PHF21B: variants seen among roughly 807,000 people sequenced by gnomAD.
The protein encoded by PHF21B is PHD finger protein 21B.
A neutral mutation model predicts 62.2 loss-of-function variants in PHF21B; 22 were observed. The ratio of observed to expected loss-of-function variants is 0.35; its 90% CI spans 0.25 to 0.51. PHF21B has a LOEUF of 0.51. Among genes scored for constraint, PHF21B ranks in the 20% least tolerant of loss-of-function variants. PHF21B has a pLI of 0.97. For synonymous variants in PHF21B, 341 were observed against 314.7 expected, an observed-to-expected ratio of 1.08 and a Z score of -0.88; for missense variants, 701 against 707.9, an observed-to-expected ratio of 0.99 and a Z score of 0.11.
chr22:45,007,723 T>G (rs1420346783), intron 2 of PHF21B, among the ~76,000 whole-genome samples: 1 of 10,374 alleles, frequency 9.6e-5, no homozygotes. Context: ...AAGGGGCGGG[T>G]GTGCGAGTGC....
At chr22:44,914,702 G>A (rs2147299258) in intron 4 of PHF21B, among the ~76,000 whole-genome samples, 1 of 152,320 alleles carries the variant, frequency 6.6e-6, no homozygotes, top group East Asian at 1.9e-4. Context: ...CCCTCACGTG[G>A]TGGATGGGGA....
intron 2 of PHF21B, among the ~76,000 whole-genome samples, chr22:44,978,521 G>C (rs1428767933): frequency 1.3e-5 from 2 of 152,150 alleles, no homozygotes; most frequent in Admixed American, 1.3e-4. Flanking sequence ...CACCACACCT[G>C]GCTAATTTTT....
chr22:45,007,046 C>T (rs908385512), intron 2 of PHF21B, among the ~76,000 whole-genome samples: 3 of 152,038 alleles, frequency 2.0e-5, no homozygotes, highest in Admixed American at 6.5e-5. Flanking sequence ...GCGCGCCGGG[C>T]CCCCCTCCGG....
intron 2 of PHF21B, among the ~76,000 whole-genome samples, chr22:44,944,433 C>A (rs1431764124): frequency 6.6e-6 from 1 of 152,188 alleles, no homozygotes; most frequent in Non-Finnish European, 1.5e-5. Context: ...ATCTGAAGCA[C>A]CCTCTGGATT....
intron 8 of PHF21B, 134 bp from the exon 9 acceptor site, chr22:44,889,916 T>C: frequency 1.1e-6 from 1 of 924,484 alleles, no homozygotes; most frequent in Non-Finnish European, 1.5e-6. Context: ...AAGGCCCCCA[T>C]GATACCTGGG....
intron 3 of PHF21B, among the ~76,000 whole-genome samples, chr22:44,919,964 A>G (rs6007386): frequency 0.27 from 41,658 of 152,164 alleles, 6,496 homozygotes; most frequent in African/African-American, 0.42. Context: ...CACCTGGCCC[A>G]GAGTCTGTGC....
chr22:44,917,427 GC>G (rs2147305923), intron 3 of PHF21B, among the ~76,000 whole-genome samples: 1 of 152,298 alleles, frequency 6.6e-6, no homozygotes, highest in South Asian at 2.1e-4. Flanking sequence ...TCCCATCAGA[GC>G]CACCACCACT....
At chr22:44,985,712 A>G (rs2072933211) in intron 2 of PHF21B, among the ~76,000 whole-genome samples, 1 of 152,192 alleles carries the variant, frequency 6.6e-6, no homozygotes, top group Non-Finnish European at 1.5e-5. Flanking sequence ...GTGATGGCAA[A>G]GCAACATGGA....
At chr22:44,904,989 G>C (rs557697403) in intron 5 of PHF21B, among the ~76,000 whole-genome samples, 100 of 152,246 alleles carry the variant, frequency 6.6e-4, no homozygotes, top group Middle Eastern at 3.4e-3. Context: ...AGTTTTTTAT[G>C]ATTTTTCTCT....
At chr22:44,912,878 C>CAAACAAAA (rs2071367491) in intron 5 of PHF21B, among the ~76,000 whole-genome samples, 1 of 45,608 alleles carries the variant, frequency 2.2e-5, no homozygotes, top group Admixed American at 3.1e-4. Flanking sequence ...GACTCTATCT[C>CAAACAAAA]AAAAAAAAAA....
At chr22:44,889,479 C>T (rs1171548109) in intron 9 of PHF21B, among the ~76,000 whole-genome samples, 1 of 152,206 alleles carries the variant, frequency 6.6e-6, no homozygotes, top group South Asian at 2.1e-4. Context: ...CCAGTTGGGC[C>T]TCAGTGGCCC....
In PHF21B at chr22:45,009,136, G is replaced by T. The variant is rs773180266; in HGVS notation, c.54+360C>A. ...GGGCAGGTTCGCCCGGGGCGCGGGGGCCCGAGGGGAGGCCGGAAGGGGGCC... is the reference window on the plus strand; with the variant it reads ...GGGCAGGTTCGCCCGGGGCGCGGGGTCCCGAGGGGAGGCCGGAAGGGGGCC... On this transcript the variant is annotated intron_variant, in intron 1 of 12. Transcript: ENST00000313237. The surrounding 1 kb of genome is among the most constrained non-coding windows in gnomAD (Gnocchi z 5.9). 15 of 713,212 alleles carry T rather than the reference G, an allele frequency of 2.1e-5. No homozygotes were observed. The highest frequency in any genetic ancestry group is 1.5e-4 in the African/African-American group (8 of 53,718). The allele number at this position is 713,212 out of a possible 1,614,324, so 44.2% of individuals were successfully genotyped here.
intron 5 of PHF21B, chr22:44,902,232 C>A: frequency 5.0e-6 from 1 of 200,552 alleles, no homozygotes; most frequent in Non-Finnish European, 1.1e-5. Flanking sequence ...CTGCAGAACC[C>A]CAGACACCAG....
chr22:44,933,625 G>C, intron 2 of PHF21B: 1 of 770,472 alleles, frequency 1.3e-6, no homozygotes. Flanking sequence ...TAAGTGGGGT[G>C]GGGGAGCCGT....
intron 2 of PHF21B, among the ~76,000 whole-genome samples, chr22:44,974,544 C>T (rs2072701686): frequency 6.6e-6 from 1 of 152,184 alleles, no homozygotes; most frequent in Admixed American, 6.5e-5. Flanking sequence ...GCACAAAGTC[C>T]TACATCCGTG....
chr22:45,009,666 G>A lies in PHF21B; in HGVS notation c.-117C>T. The A allele has an allele frequency of 8.2e-6, 8 of 979,564 alleles. No individual in the cohort carries two copies. Among genetic ancestry groups the A allele is most frequent in the Non-Finnish European group, 1.1e-5 (8 of 709,780 alleles). 60.7% of individuals were successfully genotyped at this position (979,564 alleles called of 1,614,324 possible). A position where few individuals can be genotyped will look rare whatever the true frequency, so the allele number is the denominator to read the frequency against. ...ACGCGGCCTCCGGGCTGGGTTGGGGGGGACACGAGCCCCCTCCCCCACGGC... is the reference window on the plus strand; with the variant it reads ...ACGCGGCCTCCGGGCTGGGTTGGGGAGGACACGAGCCCCCTCCCCCACGGC... On this transcript the variant is annotated 5_prime_UTR_variant, in exon 1 of 13. Coordinates refer to ENST00000313237, the MANE Select transcript of PHF21B (RefSeq NM_138415.5). This position sits in a 1 kb window ranked among gnomAD's most constrained non-coding sequence, Gnocchi z 5.9.
At chr22:44,979,494 G>A (rs899227506) in intron 2 of PHF21B, among the ~76,000 whole-genome samples, 2 of 152,246 alleles carry the variant, frequency 1.3e-5, no homozygotes, top group Admixed American at 6.5e-5. Context: ...AGCCCCTGGA[G>A]GGCAGCCAGT....
intron 8 of PHF21B, 111 bp downstream of exon 8, chr22:44,891,195 G>T: frequency 2.5e-6 from 3 of 1,222,716 alleles, no homozygotes; most frequent in Non-Finnish European, 3.5e-6. Context: ...GCCCAGGTCA[G>T]ACCAGTGGGA....
At chr22:44,960,026 G>A (rs868394533) in intron 2 of PHF21B, among the ~76,000 whole-genome samples, 1 of 152,222 alleles carries the variant, frequency 6.6e-6, no homozygotes, top group South Asian at 2.1e-4. Flanking sequence ...CTCAGCACCG[G>A]ACGTGTCTCT....
Sources: gnomAD v4.1 joint callset for allele counts (sites outside exome capture counted in the v4.1 genomes callset) on GRCh38, gnomAD v4.1.1 for gene constraint, Gnocchi (gnomAD v3.1) non-coding constraint, MANE v1.5 for transcripts, NCBI Gene and HGNC (gene_info 2026-07-23, HGNC 2026-07-21) for gene names.